Variants in PVT1 observed in about 807,000 individuals in gnomAD.
PVT1 encodes the protein Pvt1 oncogene, also known as CXCR4/PVT1 fusion.
chr8:127,922,162 T>C (rs1328159308), intron 3 of PVT1, among the ~76,000 whole-genome samples: 1 of 152,048 alleles, frequency 6.6e-6, no homozygotes, highest in African/African-American at 2.4e-5. Context: ...CCTGGCCAGT[T>C]CAGGTTTCAA....
At chr8:127,806,641 A>G (rs1039103148) in intron 2 of PVT1, among the ~76,000 whole-genome samples, 3 of 152,202 alleles carry the variant, frequency 2.0e-5, no homozygotes, top group Non-Finnish European at 2.9e-5. Flanking sequence ...TACCACAATC[A>G]TGGCTTAGAA....
intron 4 of PVT1, among the ~76,000 whole-genome samples, chr8:128,038,250 G>A (rs1813488250): frequency 6.6e-6 from 1 of 152,210 alleles, no homozygotes; most frequent in African/African-American, 2.4e-5. Flanking sequence ...TGGATCAAAT[G>A]TTGATGGAAG....
intron 4 of PVT1, among the ~76,000 whole-genome samples, chr8:127,990,885 G>T (rs1817029334): frequency 1.3e-5 from 2 of 152,136 alleles, no homozygotes; most frequent in African/African-American, 4.8e-5. Flanking sequence ...CTCCATGCCG[G>T]GAGGCTTCCT....
chr8:127,973,372 A>G (rs1272925290), intron 3 of PVT1, among the ~76,000 whole-genome samples: 1 of 152,206 alleles, frequency 6.6e-6, no homozygotes, highest in Non-Finnish European at 1.5e-5. Flanking sequence ...AGTACTCACC[A>G]TGCTGCTAGG....
At chr8:127,916,833 G>A (rs891415956) in intron 3 of PVT1, among the ~76,000 whole-genome samples, 1 of 152,152 alleles carries the variant, frequency 6.6e-6, no homozygotes, top group Non-Finnish European at 1.5e-5. Flanking sequence ...ATTTTTAGCA[G>A]CACTGAGCTG....
chr8:128,001,536 G>T (rs1350453040), intron 4 of PVT1, among the ~76,000 whole-genome samples: 1 of 152,028 alleles, frequency 6.6e-6, no homozygotes, highest in Non-Finnish European at 1.5e-5. Flanking sequence ...CTCGCCATTG[G>T]CCCCCACCAG....
At chr8:128,067,110 CAATT>C (rs1427965307) in intron 4 of PVT1, among the ~76,000 whole-genome samples, 6 of 152,198 alleles carry the variant, frequency 3.9e-5, no homozygotes, top group African/African-American at 1.4e-4. Flanking sequence ...TGCCCACACT[CAATT>C]AATCTTTGAC....
intron 4 of PVT1, among the ~76,000 whole-genome samples, chr8:128,016,575 A>T (rs34052702): frequency 0.02 from 3,077 of 152,314 alleles, 57 homozygotes; most frequent in Middle Eastern, 0.051. Context: ...CATGATTTAC[A>T]TTAACTCCTC....
intron 4 of PVT1, among the ~76,000 whole-genome samples, chr8:128,033,542 C>T (rs1175718752): frequency 6.6e-6 from 1 of 152,202 alleles, no homozygotes; most frequent in East Asian, 1.9e-4. Flanking sequence ...GAGGCTAGAA[C>T]ATAGCAGAGG....
At chr8:127,905,061 G>A (rs780778091) in intron 3 of PVT1, among the ~76,000 whole-genome samples, 6 of 152,214 alleles carry the variant, frequency 3.9e-5, no homozygotes, top group African/African-American at 1.4e-4. Context: ...ATAAGTCCCT[G>A]TGGTGCTCAA....
intron 3 of PVT1, among the ~76,000 whole-genome samples, chr8:127,922,981 G>A (rs987403588): frequency 2.0e-5 from 3 of 152,206 alleles, no homozygotes; most frequent in African/African-American, 4.8e-5. Flanking sequence ...CAGCAAAACT[G>A]CTAAGCCCTG....
chr8:127,884,731 C>T (rs928516881), intron 2 of PVT1, among the ~76,000 whole-genome samples: 13 of 152,136 alleles, frequency 8.5e-5, no homozygotes, highest in African/African-American at 3.1e-4. Context: ...GAAAATGCTC[C>T]CTGAGAAAGC....
chr8:127,803,853 T>G (rs1052845792), intron 2 of PVT1, among the ~76,000 whole-genome samples: 5 of 152,012 alleles, frequency 3.3e-5, no homozygotes, highest in African/African-American at 1.2e-4. Context: ...TCCGAGTAGC[T>G]GGAGTTACAG....
At chr8:127,944,897 G>A (rs1169226197) in intron 3 of PVT1, among the ~76,000 whole-genome samples, 2 of 152,162 alleles carry the variant, frequency 1.3e-5, no homozygotes, top group African/African-American at 2.4e-5. Context: ...TTCCCTCCCC[G>A]TGCTCATGGC....
At chr8:127,994,716 T>G (rs1372599292) in intron 4 of PVT1, among the ~76,000 whole-genome samples, 1 of 152,184 alleles carries the variant, frequency 6.6e-6, no homozygotes, top group Admixed American at 6.5e-5. Flanking sequence ...GAAACAGCTG[T>G]CGTGTCACAA....
At chr8:128,047,740 C>G (rs1306308711) in intron 4 of PVT1, among the ~76,000 whole-genome samples, 1 of 152,102 alleles carries the variant, frequency 6.6e-6, no homozygotes, top group Non-Finnish European at 1.5e-5. Context: ...AAATGGAACA[C>G]TAATACAGCT....
chr8:128,067,731 C>T lies in PVT1; in HGVS notation n.913-2429C>T, dbSNP rs777105842. Among the ~76,000 whole-genome samples the T allele has an allele frequency of 6.6e-5, 10 of 152,010 alleles. 1 individual carries two copies. Among genetic ancestry groups the T allele is most frequent in the South Asian group, 2.1e-4 (1 of 4,822 alleles). On this transcript the variant is annotated intron_variant and non_coding_transcript_variant, in intron 4 of 10. Coordinates refer to ENST00000651587, the Ensembl canonical transcript of PVT1. ...AACTGGAGTTAGGGGTGAGCTGGAG[C>T]AACCTGTGACCAGCGACCAGGGAGG...
At chr8:127,809,029 C>CAAAAAAAAAAAAAAAAAAAAAAA (rs1158760672) in intron 2 of PVT1, among the ~76,000 whole-genome samples, 16 of 28,270 alleles carry the variant, frequency 5.7e-4, no homozygotes, top group Non-Finnish European at 8.3e-4. Flanking sequence ...GATTCCATCT[C>CAAAAAAAAAAAAAAAAAAAAAAA]AAAAAAAAAA....
At chr8:127,941,746 G>T (rs1165023703) in intron 3 of PVT1, among the ~76,000 whole-genome samples, 2 of 152,134 alleles carry the variant, frequency 1.3e-5, no homozygotes, top group African/African-American at 4.8e-5. Context: ...CTGATTTAGG[G>T]CAATGCATGT....
Sources: gnomAD v4.1 joint callset for allele counts (sites outside exome capture counted in the v4.1 genomes callset) on GRCh38, gnomAD v4.1.1 for gene constraint, MANE v1.5 for transcripts, NCBI Gene and HGNC (gene_info 2026-07-23, HGNC 2026-07-21) for gene names.